Variants in SHISAL1 observed in about 807,000 individuals in gnomAD.
SHISAL1 encodes the protein shisa like 1.
A neutral mutation model predicts 22.6 loss-of-function variants in SHISAL1; 9 were observed. That is an observed-to-expected ratio of 0.40 (90% CI 0.24 to 0.70). The LOEUF is 0.70. SHISAL1 is among the 30% of genes least tolerant of loss of function. The pLI, the probability that SHISAL1 is intolerant of heterozygous loss-of-function variation, is 0.39. For synonymous variants in SHISAL1, 119 were observed against 115.4 expected (o/e 1.03, Z -0.20); for missense variants, 246 against 270.6 (o/e 0.91, Z 0.64).
intron 3 of SHISAL1, among the ~76,000 whole-genome samples, chr22:44,295,341 G>T (rs755603740): frequency 6.6e-6 from 1 of 151,830 alleles, no homozygotes; most frequent in African/African-American, 2.4e-5. Context: ...TTTGAAAAAA[G>T]AATAATAAAG....
At chr22:44,269,179 C>G (rs1435759923) in intron 4 of SHISAL1, among the ~76,000 whole-genome samples, 2 of 150,916 alleles carry the variant, frequency 1.3e-5, no homozygotes, top group Middle Eastern at 3.4e-3. Context: ...CACAATATCA[C>G]ATACATATGC....
the SHISAL1 span, among the ~76,000 whole-genome samples, chr22:44,331,109 C>G: frequency 6.6e-6 from 1 of 152,150 alleles, no homozygotes; most frequent in South Asian, 2.1e-4. This position sits in a 1 kb window ranked among gnomAD's most constrained non-coding sequence, Gnocchi z 5.2. Flanking sequence ...CGGCGCGGTG[C>G]GCCCCGAACT....
In SHISAL1 at chr22:44,310,327, G is replaced by A. The variant is rs1217577240; in HGVS notation, c.-33+2424C>T. On this transcript the variant is annotated intron_variant, in intron 1 of 4. Transcript: ENST00000381176. The surrounding 1 kb of genome is among the most constrained non-coding windows in gnomAD (Gnocchi z 4.0). Reference sequence around the variant, plus strand: ...CCATTGCTGAGATAAATAAACCACAGCTCAGAGAAACTAAGTGATTGCCCA... The same window carrying A: ...CCATTGCTGAGATAAATAAACCACAACTCAGAGAAACTAAGTGATTGCCCA... Among the ~76,000 whole-genome samples the A allele has an allele frequency of 1.3e-5, 2 of 152,240 alleles. No individual in the cohort carries two copies. Among genetic ancestry groups the A allele is most frequent in the African/African-American group, 4.8e-5 (2 of 41,468 alleles).
intron 4 of SHISAL1, among the ~76,000 whole-genome samples, chr22:44,254,180 A>G (rs1251772940): frequency 3.9e-5 from 6 of 152,174 alleles, no homozygotes. Flanking sequence ...CATAGCCTTA[A>G]AACACTGATC....
intron 4 of SHISAL1, among the ~76,000 whole-genome samples, chr22:44,276,564 G>A (rs1208840831): frequency 6.6e-6 from 1 of 152,050 alleles, no homozygotes; most frequent in Non-Finnish European, 1.5e-5. Flanking sequence ...GTGGAGGGGT[G>A]GGTATGGGGT....
chr22:44,322,162 T>C, the SHISAL1 span, among the ~76,000 whole-genome samples: 1 of 152,230 alleles, frequency 6.6e-6, no homozygotes, highest in Admixed American at 6.5e-5. Context: ...CCTTTGCCTC[T>C]CTGAGCTCCT....
At chr22:44,278,324 G>C (rs1233078670) in intron 4 of SHISAL1, among the ~76,000 whole-genome samples, 1 of 152,216 alleles carries the variant, frequency 6.6e-6, no homozygotes, top group Non-Finnish European at 1.5e-5. Flanking sequence ...CCTGCAGACA[G>C]CCTATTGTGG....
intron 4 of SHISAL1, among the ~76,000 whole-genome samples, chr22:44,274,056 C>CT (rs1569214044): frequency 6.7e-6 from 1 of 148,634 alleles, no homozygotes; most frequent in African/African-American, 2.5e-5. Flanking sequence ...CCGGCCCCCC[C>CT]CTCCCCCCCA....
the SHISAL1 span, among the ~76,000 whole-genome samples, chr22:44,330,980 C>T: frequency 1.3e-5 from 2 of 152,072 alleles, no homozygotes; most frequent in African/African-American, 4.8e-5. Flanking sequence ...GGGTCCGCAG[C>T]GTGGCCCTCA....
intron 4 of SHISAL1, among the ~76,000 whole-genome samples, chr22:44,280,604 G>T (rs1307184026): frequency 6.6e-6 from 1 of 152,160 alleles, no homozygotes; most frequent in Non-Finnish European, 1.5e-5. Context: ...GGGAGGCAGA[G>T]TCAGGCCACC....
chr22:44,329,461 A>G, the SHISAL1 span, among the ~76,000 whole-genome samples: 35,984 of 151,596 alleles, frequency 0.24, 4,531 homozygotes, highest in East Asian at 0.3. Flanking sequence ...ACACACACAC[A>G]CACGCGCGGC....
chr22:44,320,872 T>C, the SHISAL1 span, among the ~76,000 whole-genome samples: 31,078 of 152,204 alleles, frequency 0.2, 3,501 homozygotes, highest in South Asian at 0.32. Flanking sequence ...TGTGGGGCAG[T>C]GGAGTCTCAC....
chr22:44,292,478 T>A (rs2147295929), intron 3 of SHISAL1, among the ~76,000 whole-genome samples: 1 of 152,224 alleles, frequency 6.6e-6, no homozygotes, highest in East Asian at 1.9e-4. Context: ...GACAGGTGAC[T>A]TCCCCAGCCT....
At chr22:44,260,906 T>C (rs1326333298) in intron 4 of SHISAL1, among the ~76,000 whole-genome samples, 1 of 151,896 alleles carries the variant, frequency 6.6e-6, no homozygotes, top group Non-Finnish European at 1.5e-5. Context: ...GCAATGTGGC[T>C]TCGGTCACTC....
upstream of SHISAL1, among the ~76,000 whole-genome samples, chr22:44,314,847 T>C (rs2055547605): frequency 6.6e-6 from 1 of 152,164 alleles, no homozygotes; most frequent in African/African-American, 2.4e-5. Flanking sequence ...ACTCTTCAGC[T>C]ACCCAAATGC....
At chr22:44,324,122 C>G in the SHISAL1 span, among the ~76,000 whole-genome samples, 1 of 152,204 alleles carries the variant, frequency 6.6e-6, no homozygotes, top group African/African-American at 2.4e-5. Context: ...ACTGACCCAG[C>G]TGTCCCAAAT....
intron 4 of SHISAL1, among the ~76,000 whole-genome samples, chr22:44,280,297 C>T (rs2055267280): frequency 6.6e-6 from 1 of 152,074 alleles, no homozygotes; most frequent in South Asian, 2.1e-4. Context: ...TGGCAGTCGG[C>T]TCAGGATCTG....
In SHISAL1 at chr22:44,296,641, A is replaced by G. The variant is rs774455378; in HGVS notation, c.281+31T>C. On this transcript the variant is annotated intron_variant, in intron 3 of 4. Transcript: ENST00000381176. ...AGGCCCCTTGCCTGGGGCCCGAGGC[A>G]GTGGGGTTGCACCCCCAGAGTGGCA... The G allele has an allele frequency of 2.5e-6, 4 of 1,595,780 alleles. No individual in the cohort carries two copies. The East Asian group carries it at 6.7e-5, about 27-fold the overall frequency.
At chr22:44,288,465 T>C (rs1258210276) in intron 3 of SHISAL1, among the ~76,000 whole-genome samples, 1 of 151,176 alleles carries the variant, frequency 6.6e-6, no homozygotes, top group African/African-American at 2.4e-5. Context: ...TGAAACCCCG[T>C]CTCTACTAAA....
Sources: allele counts gnomAD v4.1 joint callset (sites outside exome capture counted in the v4.1 genomes callset), GRCh38; gene constraint gnomAD v4.1.1; non-coding constraint Gnocchi (gnomAD v3.1); transcripts MANE v1.5; gene names NCBI Gene and HGNC (gene_info 2026-07-23, HGNC 2026-07-21).